The following ARFGEF2 variants were observed in gnomAD, a reference collection of about 807,000 sequenced individuals.
The protein encoded by ARFGEF2 is ARF guanine nucleotide exchange factor 2, also known as brefeldin A-inhibited guanine nucleotide-exchange protein 2.
A neutral mutation model predicts 219.9 loss-of-function variants in ARFGEF2; 74 were observed. The observed-to-expected ratio is 0.34, with a 90% CI of 0.28 to 0.41. ARFGEF2 has a LOEUF of 0.41. Ranked by LOEUF, ARFGEF2 falls within the 10% of genes least tolerant of loss-of-function variation. The pLI, the probability that ARFGEF2 is intolerant of heterozygous loss-of-function variation, is 1.00. For missense variants in ARFGEF2, 1,743 were observed against 2,218.3 expected (o/e 0.79, Z 4.30); for synonymous variants, 733 against 799.2 (o/e 0.92, Z 1.40).
chr20:49,003,812 T>A (rs1191453901), intron 25 of ARFGEF2, among the ~76,000 whole-genome samples: 1 of 152,052 alleles, frequency 6.6e-6, no homozygotes, highest in Non-Finnish European at 1.5e-5. Context: ...TAACTCCAGT[T>A]CCTAAAAGTA....
chr20:48,934,006 G>C (rs1600586600), intron 1 of ARFGEF2, among the ~76,000 whole-genome samples: 1 of 151,236 alleles, frequency 6.6e-6, no homozygotes, highest in Admixed American at 6.6e-5. Context: ...TGTAGTCCCA[G>C]CTATTTGGGA....
chr20:49,014,007 C>T lies in ARFGEF2; in HGVS notation c.4179+47C>T, dbSNP rs767041756. 3 of 1,611,692 alleles carry T rather than the reference C, an allele frequency of 1.9e-6. No homozygotes were observed. In the Middle Eastern group the frequency reaches 5.1e-4, roughly 272 times the overall value. On this transcript the variant is annotated intron_variant, in intron 30 of 38. Transcript: ENST00000371917. ...GCCCTAGGTATGATGGAGAGGAAAG[C>T]CTTTCTGGCCGGTATTTGCCTCTGG...
chr20:48,925,231 G>T (rs566030956), intron 1 of ARFGEF2, among the ~76,000 whole-genome samples: 1 of 152,176 alleles, frequency 6.6e-6, no homozygotes, highest in African/African-American at 2.4e-5. Flanking sequence ...CATAAATAGG[G>T]ACTGCCCAAG....
chr20:48,974,892 C>T lies in ARFGEF2; in HGVS notation c.1774+18C>T. On this transcript the variant is annotated intron_variant, in intron 13 of 38. Transcript: ENST00000371917. ...CAGCCTCGGTGAGACAGCATTGCTGCCACACCCACCTCCATTCATAATAGG... is the reference window on the plus strand; with the variant it reads ...CAGCCTCGGTGAGACAGCATTGCTGTCACACCCACCTCCATTCATAATAGG... The T allele has an allele frequency of 6.4e-7, 1 of 1,572,776 alleles. No homozygotes were observed. Among genetic ancestry groups the T allele is most frequent in the Non-Finnish European group, 8.7e-7 (1 of 1,143,866 alleles).
Position 49,017,314 on chromosome 20 carries a change from A to G in ARFGEF2, c.4381A>G (p.Lys1461Glu). 6.2e-7 allele frequency: 1 copy of G among 1,614,078 alleles called. No individual in the cohort carries two copies. Among genetic ancestry groups the G allele is most frequent in the Non-Finnish European group, 8.5e-7 (1 of 1,179,980 alleles). ...LENLVISNGEKFSPEVWDETC... is the reference protein window; with the variant it reads ...LENLVISNGEEFSPEVWDETC... ...AAACTTAGTAATATCCAATGGAGAG[A>G]AATTCAGTCCTGAAGTCTGGGATGA... Residue 1461 changes from lysine (K) to glutamate (E), a missense_variant, in exon 32 of 39, where the codon AAA (lysine) becomes GAA (glutamate). This residue lies in a region of ARFGEF2 where 578 missense variants were observed against 664.0 expected (regional missense o/e 0.87). Coordinates refer to ENST00000371917, the MANE Select transcript of ARFGEF2 (RefSeq NM_006420.3).
At chr20:48,973,354 C>T (rs922305928) in intron 12 of ARFGEF2, 70 bp downstream of exon 12, 2 of 1,514,054 alleles carry the variant, frequency 1.3e-6, no homozygotes, top group African/African-American at 1.4e-5. Context: ...TGAGTGCCAC[C>T]ACATGCCAGG....
chr20:49,009,415 A>C (rs6012580), intron 26 of ARFGEF2, among the ~76,000 whole-genome samples: 37,277 of 151,698 alleles, frequency 0.25, 5,240 homozygotes, highest in East Asian at 0.47. Flanking sequence ...GCTCTACTGC[A>C]TTCCAGCCTG....
intron 27 of ARFGEF2, among the ~76,000 whole-genome samples, chr20:49,011,704 G>A (rs1241814669): frequency 6.6e-6 from 1 of 152,202 alleles, no homozygotes; most frequent in Admixed American, 6.5e-5. Context: ...TTGCTTGAGC[G>A]CAGGAAGACT....
At chr20:49,016,221 G>A in intron 30 of ARFGEF2, 59 bp from the exon 31 acceptor site, 1 of 1,596,068 alleles carries the variant, frequency 6.3e-7, no homozygotes. Flanking sequence ...GAGTGTACAA[G>A]AATGCCCATC....
intron 25 of ARFGEF2, among the ~76,000 whole-genome samples, chr20:49,003,922 C>T (rs2091439878): frequency 1.3e-5 from 2 of 152,196 alleles, no homozygotes; most frequent in South Asian, 4.1e-4. Flanking sequence ...TAGTCATTTG[C>T]TTTAGATGAC....
intron 20 of ARFGEF2, 58 bp from the exon 21 acceptor site, chr20:48,990,982 T>TGA: frequency 6.4e-7 from 1 of 1,574,472 alleles, no homozygotes; most frequent in Non-Finnish European, 8.7e-7. Flanking sequence ...CCTGCAGATG[T>TGA]GAGAATGGCC....
intron 1 of ARFGEF2, among the ~76,000 whole-genome samples, chr20:48,926,051 A>C (rs2090874958): frequency 6.6e-6 from 1 of 152,136 alleles, no homozygotes; most frequent in Admixed American, 6.6e-5. Context: ...TTTAGTTCTC[A>C]CTATTATCAT....
At chr20:48,940,871 G>T (rs1473697430) in intron 1 of ARFGEF2, among the ~76,000 whole-genome samples, 2 of 152,072 alleles carry the variant, frequency 1.3e-5, no homozygotes, top group Non-Finnish European at 2.9e-5. Context: ...TCATAACAAA[G>T]AATTCTTCAT....
intron 14 of ARFGEF2, among the ~76,000 whole-genome samples, chr20:48,983,258 C>G (rs1447576863): frequency 6.6e-6 from 1 of 152,182 alleles, no homozygotes; most frequent in Non-Finnish European, 1.5e-5. Flanking sequence ...AACCACAGCA[C>G]CATCATCACA....
intron 1 of ARFGEF2, among the ~76,000 whole-genome samples, chr20:48,937,675 A>G (rs566388702): frequency 1.3e-5 from 2 of 152,296 alleles, no homozygotes; most frequent in East Asian, 1.9e-4. Context: ...TTGCAACTGG[A>G]GTTTCTTGGG....
At position 48,953,749 on chromosome 20, in the gene ARFGEF2, A is replaced by G; in HGVS notation, c.797A>G (p.Glu266Gly). ...ARSDSGKVST[E>G]NGDAPRERGS... ...AGTGATTCTGGAAAAGTAAGCACAG[A>G]AAATGGAGACGCACCCAGAGAAAGA... The change falls in exon 6 of 39, where the codon GAA becomes GGA. Residue 266 changes from glutamate (E) to glycine (G), a missense_variant. By Grantham distance (98) the Glu-to-Gly change is moderately conservative. Coordinates refer to ENST00000371917, the MANE Select transcript of ARFGEF2 (RefSeq NM_006420.3). 1 of 1,614,216 alleles carries G rather than the reference A, an allele frequency of 6.2e-7. No individual in the cohort carries two copies. Among genetic ancestry groups the G allele is most frequent in the Non-Finnish European group, 8.5e-7 (1 of 1,180,034 alleles).
chr20:48,952,733 A>C lies in ARFGEF2; in HGVS notation c.452A>C (p.His151Pro). 3 of 1,614,238 alleles carry C rather than the reference A, an allele frequency of 1.9e-6. No individual in the cohort carries two copies. ...KALLTAVTSP[H>P]IEIHEGTILQ... ...CTTCTGACTGCAGTGACTTCCCCAC[A>C]CATTGAAATTCATGAGGGTACTATC... Residue 151 changes from histidine to proline, a missense_variant, in exon 5 of 39, where the codon CAC becomes CCC. Physicochemically the swap from His to Pro is moderately conservative, Grantham distance 77. Around this residue, in one of 5 missense-constraint regions of ARFGEF2, gnomAD observed 394 missense variants for 426.6 expected, o/e 0.92. Transcript: ENST00000371917.
At chr20:48,933,414 T>C (rs1324618917) in intron 1 of ARFGEF2, among the ~76,000 whole-genome samples, 1 of 145,958 alleles carries the variant, frequency 6.9e-6, no homozygotes, top group Non-Finnish European at 1.5e-5. Flanking sequence ...AACCTCCCTG[T>C]GCTCAGATTC....
intron 21 of ARFGEF2, among the ~76,000 whole-genome samples, chr20:48,991,463 C>CT (rs1395422095): frequency 6.7e-5 from 10 of 150,104 alleles, no homozygotes; most frequent in Non-Finnish European, 1.0e-4. Context: ...ATATTAGTGC[C>CT]ATTTTTTTTT....
Sources: allele counts gnomAD v4.1 joint callset (sites outside exome capture counted in the v4.1 genomes callset), GRCh38; gene constraint gnomAD v4.1.1; regional missense constraint gnomAD v4.1.1; transcripts MANE v1.5; gene names NCBI Gene and HGNC (gene_info 2026-07-23, HGNC 2026-07-21).